PPARGC1A: variants seen among roughly 807,000 people sequenced by gnomAD.
PPARGC1A encodes peroxisome proliferator-activated receptor gamma coactivator 1-alpha.
PPARGC1A carries 25 observed loss-of-function variants against 88.7 expected under a neutral mutation model. The observed-to-expected ratio is 0.28, with a 90% CI of 0.21 to 0.39. The LOEUF (loss-of-function observed/expected upper bound fraction) is 0.39, where lower values mean the gene tolerates loss of function less well. Ranked by LOEUF, PPARGC1A falls within the 10% of genes least tolerant of loss-of-function variation. The pLI is 1.00. For missense variants in PPARGC1A, 880 were observed against 968.7 expected (o/e 0.91, Z 1.22); for synonymous variants, 363 against 355.6 (o/e 1.02, Z -0.24).
chr4:24,020,623 A>G, the PPARGC1A span, among the ~76,000 whole-genome samples: 1 of 152,156 alleles, frequency 6.6e-6, no homozygotes, highest in Non-Finnish European at 1.5e-5. Flanking sequence ...AGAGATCGGG[A>G]TGTGAGTAAA....
the PPARGC1A span, among the ~76,000 whole-genome samples, chr4:24,131,199 T>TA: frequency 0.05 from 7,234 of 145,406 alleles, 229 homozygotes; most frequent in African/African-American, 0.09. Flanking sequence ...GTTGAATGAG[T>TA]AAAAAAAAAA....
the PPARGC1A span, among the ~76,000 whole-genome samples, chr4:24,420,207 T>C: frequency 6.6e-6 from 1 of 152,192 alleles, no homozygotes; most frequent in South Asian, 2.1e-4. Flanking sequence ...CCTAATTCAG[T>C]TCATTTTAAA....
intron 1 of PPARGC1A, among the ~76,000 whole-genome samples, chr4:23,888,106 C>T (rs950068277): frequency 1.3e-5 from 2 of 152,190 alleles, no homozygotes. Flanking sequence ...CCAACGCTAC[C>T]TGCTGCTCGT....
chr4:24,452,258 C>CA, the PPARGC1A span, among the ~76,000 whole-genome samples: 1 of 142,654 alleles, frequency 7.0e-6, no homozygotes, highest in African/African-American at 2.5e-5. Context: ...CACCCCCCCA[C>CA]ACACAAACAC....
At chr4:24,205,795 C>T in the PPARGC1A span, among the ~76,000 whole-genome samples, 43 of 152,188 alleles carry the variant, frequency 2.8e-4, no homozygotes, top group African/African-American at 1.0e-3. Context: ...ATTCATTCTG[C>T]TGCAGGTTCA....
chr4:24,305,177 G>A, the PPARGC1A span, among the ~76,000 whole-genome samples: 2 of 148,960 alleles, frequency 1.3e-5, no homozygotes, highest in Admixed American at 6.7e-5. Flanking sequence ...GTGTGTGTGT[G>A]TGTATATTTA....
At chr4:23,922,898 A>G in the PPARGC1A span, among the ~76,000 whole-genome samples, 8 of 152,232 alleles carry the variant, frequency 5.3e-5, no homozygotes, top group African/African-American at 1.7e-4. Context: ...TGCCATTTCA[A>G]CTGGGGGCCA....
In PPARGC1A at chr4:23,813,134, G is replaced by C. The variant is rs1440520422; in HGVS notation, c.1794-9C>G. ...CATAGTAATAGCAGGATCTGCGCCA[G>C]AGGAGAAAAGCAAAAAGGGCATTTG... On this transcript the variant is annotated splice_polypyrimidine_tract_variant and intron_variant, in intron 8 of 12. Coordinates refer to ENST00000264867, the MANE Select transcript of PPARGC1A (RefSeq NM_013261.5). The C allele has an allele frequency of 2.5e-6, 4 of 1,613,334 alleles. No homozygotes were observed. Among genetic ancestry groups the C allele is most frequent in the East Asian group, 4.5e-5 (2 of 44,862 alleles).
chr4:24,324,727 C>T, the PPARGC1A span, among the ~76,000 whole-genome samples: 147 of 152,250 alleles, frequency 9.7e-4, no homozygotes, highest in Non-Finnish European at 1.2e-3. Flanking sequence ...AGGTTCCTGA[C>T]GTCCAGGCAT....
At chr4:24,160,632 C>T in the PPARGC1A span, among the ~76,000 whole-genome samples, 1 of 152,214 alleles carries the variant, frequency 6.6e-6, no homozygotes, top group Non-Finnish European at 1.5e-5. Context: ...CTGTTTCACA[C>T]ACCTTACCAC....
the PPARGC1A span, among the ~76,000 whole-genome samples, chr4:23,936,537 G>A: frequency 7.2e-5 from 11 of 152,268 alleles, no homozygotes; most frequent in Admixed American, 4.6e-4. Context: ...TGGAGTTTGA[G>A]ACCAGCCTGG....
chr4:23,968,613 C>T, the PPARGC1A span, among the ~76,000 whole-genome samples: 3 of 152,002 alleles, frequency 2.0e-5, no homozygotes. Context: ...TAATACATAC[C>T]TTATTAAATA....
At chr4:23,926,178 G>A in the PPARGC1A span, among the ~76,000 whole-genome samples, 1 of 152,114 alleles carries the variant, frequency 6.6e-6, no homozygotes, top group Non-Finnish European at 1.5e-5. Context: ...CACCATGACA[G>A]AATCTATGTC....
the PPARGC1A span, among the ~76,000 whole-genome samples, chr4:23,933,797 G>T: frequency 6.6e-6 from 1 of 152,176 alleles, no homozygotes; most frequent in Non-Finnish European, 1.5e-5. Context: ...TCATTCATAT[G>T]CCACAGGGTA....
At chr4:24,383,770 T>G in the PPARGC1A span, among the ~76,000 whole-genome samples, 1 of 152,130 alleles carries the variant, frequency 6.6e-6, no homozygotes, top group Non-Finnish European at 1.5e-5. Context: ...CTGAAAGTGA[T>G]GGGGAGAATG....
At chr4:24,153,337 C>CA in the PPARGC1A span, among the ~76,000 whole-genome samples, 1 of 151,672 alleles carries the variant, frequency 6.6e-6, no homozygotes, top group Non-Finnish European at 1.5e-5. Context: ...GAAAACATCT[C>CA]AAAAAAATGG....
the PPARGC1A span, among the ~76,000 whole-genome samples, chr4:23,994,131 T>C: frequency 6.6e-6 from 1 of 152,182 alleles, no homozygotes; most frequent in African/African-American, 2.4e-5. Flanking sequence ...GGTCACCTCA[T>C]GTCCAAGCAA....
the PPARGC1A span, among the ~76,000 whole-genome samples, chr4:24,104,199 A>C: frequency 1.3e-5 from 2 of 152,218 alleles, no homozygotes; most frequent in Admixed American, 6.5e-5. Context: ...GCTCCTTAAC[A>C]GTAGAGTGGG....
chr4:24,194,859 C>G, the PPARGC1A span, among the ~76,000 whole-genome samples: 1 of 152,202 alleles, frequency 6.6e-6, no homozygotes, highest in African/African-American at 2.4e-5. Flanking sequence ...AAATATCAAC[C>G]AACCAAAATC....
Sources: gnomAD v4.1 joint callset for allele counts (sites outside exome capture counted in the v4.1 genomes callset) on GRCh38, gnomAD v4.1.1 for gene constraint, MANE v1.5 for transcripts, NCBI Gene and HGNC (gene_info 2026-07-23, HGNC 2026-07-21) for gene names.